Variants in DMD observed in about 807,000 individuals in gnomAD.
DMD encodes dystrophin, also known as mutant dystrophin.
Under a neutral mutation model 330.1 loss-of-function variants are expected in DMD, and 63 were observed. That is an observed-to-expected ratio of 0.19 (90% CI 0.16 to 0.24). DMD has a LOEUF of 0.24. DMD is among the 10% of genes least tolerant of loss of function. DMD has a pLI of 1.00. For missense variants in DMD, 3,344 were observed against 2,684.1 expected (o/e 1.25, Z -5.43); for synonymous variants, 1,223 against 959.8 (o/e 1.27, Z -5.07).
intron 59 of DMD, among the ~76,000 whole-genome samples, chrX:31,459,049 A>G (rs954402632): frequency 9.0e-6 from 1 of 111,487 alleles, no homozygotes; most frequent in African/African-American, 3.3e-5. Context: ...AGATTCTAGT[A>G]TATTGGGTTT....
intron 1 of DMD, among the ~76,000 whole-genome samples, chrX:33,314,806 C>A (rs1212628625): frequency 9.1e-6 from 1 of 109,381 alleles, no homozygotes; most frequent in Admixed American, 9.8e-5. Context: ...TCCTTTGACT[C>A]CTTGAAGGAT....
intron 44 of DMD, among the ~76,000 whole-genome samples, chrX:32,048,148 T>G (rs1430528108): frequency 2.0e-5 from 2 of 98,778 alleles, no homozygotes; most frequent in African/African-American, 7.5e-5. Context: ...CCAGGCATCC[T>G]AGATATATCA....
intron 11 of DMD, among the ~76,000 whole-genome samples, chrX:32,627,464 A>G (rs944909045): frequency 6.2e-5 from 6 of 97,516 alleles, no homozygotes; most frequent in African/African-American, 2.2e-4. Flanking sequence ...TAAATACAAA[A>G]TAATAATTGT....
chrX:32,563,721 C>A (rs1224657417), intron 16 of DMD, among the ~76,000 whole-genome samples: 2 of 111,794 alleles, frequency 1.8e-5, no homozygotes, highest in African/African-American at 6.5e-5. Context: ...CATGTACAAA[C>A]TTCATCAAAA....
chrX:32,676,901 A>G (rs1379511385), intron 9 of DMD, among the ~76,000 whole-genome samples: 4 of 111,677 alleles, frequency 3.6e-5, no homozygotes, highest in Admixed American at 1.9e-4. Context: ...TTTCTCTATT[A>G]AATTGTGATT....
At chrX:32,386,164 G>T (rs2097956802) in intron 33 of DMD, 146 bp downstream of exon 33, 1 of 565,419 alleles carries the variant, frequency 1.8e-6, no homozygotes, top group Non-Finnish European at 3.0e-6. Context: ...ACGTATATGT[G>T]TGTATATATA....
intron 1 of DMD, among the ~76,000 whole-genome samples, chrX:33,333,787 T>G (rs1432595415): frequency 9.0e-6 from 1 of 111,557 alleles, no homozygotes; most frequent in Non-Finnish European, 1.9e-5. Flanking sequence ...AAATTTAGCA[T>G]GTCTTATCAA....
intron 59 of DMD, among the ~76,000 whole-genome samples, chrX:31,467,519 T>G (rs1040972721): frequency 8.9e-6 from 1 of 112,023 alleles, no homozygotes; most frequent in Non-Finnish European, 1.9e-5. Flanking sequence ...TGAAGCCAAC[T>G]TGATCATGCT....
At chrX:32,658,428 C>A (rs377727770) in intron 9 of DMD, among the ~76,000 whole-genome samples, 2 of 111,296 alleles carry the variant, frequency 1.8e-5, no homozygotes, top group Non-Finnish European at 3.8e-5. Flanking sequence ...CAACTCAGCT[C>A]TGTCACTGCA....
rs1030582123 is a variant in DMD at position 32,485,783 on chromosome X, G to T, written c.2623-684C>A. ...TTTGGGACAGAGTCTCGCTCTTGTT[G>T]CCCAGGCTGGAGTGCAATGACGCGA... On this transcript the variant is annotated intron_variant, in intron 20 of 78. Transcript: ENST00000357033. Among the ~76,000 whole-genome samples, 3 of 74,415 alleles carry T rather than the reference G, an allele frequency of 4.0e-5. No individual in the cohort carries two copies. The East Asian group carries it at 1.3e-3, about 33-fold the overall frequency. The allele number at this position is 74,415 out of a possible 115,157, so 64.6% of individuals were successfully genotyped here.
At chrX:32,368,771 T>C (rs778738428) in intron 34 of DMD, among the ~76,000 whole-genome samples, 2 of 111,811 alleles carry the variant, frequency 1.8e-5, no homozygotes, top group African/African-American at 3.2e-5. Flanking sequence ...TCAGCATACA[T>C]GCCTTCTTCT....
intron 34 of DMD, among the ~76,000 whole-genome samples, chrX:32,366,702 A>T (rs1254763197): frequency 8.9e-6 from 1 of 111,770 alleles, no homozygotes; most frequent in African/African-American, 3.3e-5. Flanking sequence ...TCTTTCTGCC[A>T]CGCCATAAGG....
intron 48 of DMD, among the ~76,000 whole-genome samples, chrX:31,863,299 C>T (rs2093742627): frequency 8.9e-6 from 1 of 112,338 alleles, no homozygotes; most frequent in Non-Finnish European, 1.9e-5. Context: ...GCTGAGATCA[C>T]GCCACTGCAC....
intron 41 of DMD, among the ~76,000 whole-genome samples, chrX:32,330,337 G>A (rs1403423195): frequency 8.9e-6 from 1 of 112,018 alleles, no homozygotes; most frequent in African/African-American, 3.2e-5. Flanking sequence ...AATCAAAGTG[G>A]AAAACAATAT....
At chrX:32,027,002 G>C (rs1031109289) in intron 44 of DMD, among the ~76,000 whole-genome samples, 2 of 111,290 alleles carry the variant, frequency 1.8e-5, no homozygotes, top group African/African-American at 6.5e-5. Context: ...CTAGATGCCA[G>C]TGGGGCTGGG....
chrX:31,746,790 G>A (rs1356750059), intron 51 of DMD, among the ~76,000 whole-genome samples: 1 of 110,395 alleles, frequency 9.1e-6, no homozygotes, highest in African/African-American at 3.3e-5. Flanking sequence ...GTGTGTATGT[G>A]TGCATGTGTC....
At chrX:31,872,924 A>T (rs2149670188) in intron 48 of DMD, among the ~76,000 whole-genome samples, 1 of 110,739 alleles carries the variant, frequency 9.0e-6, no homozygotes, top group African/African-American at 3.3e-5. Context: ...TAAGTGGAGA[A>T]ATGGTCAGGA....
intron 2 of DMD, among the ~76,000 whole-genome samples, chrX:33,016,280 T>A (rs2093800929): frequency 9.0e-6 from 1 of 111,232 alleles, no homozygotes; most frequent in Non-Finnish European, 1.9e-5. Flanking sequence ...CAGAGGAATG[T>A]CTTCAGGAAT....
At position 32,390,147 on chromosome X, in the gene DMD, C is replaced by G. The variant is rs1378075633; in HGVS notation, c.4268G>C (p.Ser1423Thr). Residue 1423 changes from serine to threonine, a missense_variant, in exon 31 of 79, where the codon AGT becomes ACT. Ser to Thr is a moderately conservative substitution (Grantham distance 58, BLOSUM62 1). Transcript: ENST00000357033. ...IQSDLTSHEISLEEMKKHNQG... is the reference protein window; with the variant it reads ...IQSDLTSHEITLEEMKKHNQG... ...ATTATGTTTCTTCATTTCTTCTAAA[C>G]TGATCTCATGACTTGTCAAATCAGA... 19 of 1,207,314 alleles carry G rather than the reference C, an allele frequency of 1.6e-5. No homozygotes were observed. The highest frequency in any genetic ancestry group is 2.0e-5 in the Non-Finnish European group (18 of 892,856).
Sources: gnomAD v4.1 joint callset for allele counts (sites outside exome capture counted in the v4.1 genomes callset) on GRCh38, gnomAD v4.1.1 for gene constraint, MANE v1.5 for transcripts, NCBI Gene and HGNC (gene_info 2026-07-23, HGNC 2026-07-21) for gene names.